SACS: variants seen among roughly 807,000 people sequenced by gnomAD.
SACS encodes the protein sacsin molecular chaperone.
Under a neutral mutation model 348.0 loss-of-function variants are expected in SACS, and 197 were observed. That is an observed-to-expected ratio of 0.57 (90% CI 0.50 to 0.64). The LOEUF (loss-of-function observed/expected upper bound fraction) is 0.64, where lower values mean the gene tolerates loss of function less well. Ranked by LOEUF, SACS falls within the 30% of genes least tolerant of loss-of-function variation. The pLI, the probability that SACS is intolerant of heterozygous loss-of-function variation, is 0.00. For missense variants in SACS, 4,999 were observed against 5,360.8 expected (o/e 0.93, Z 2.11); for synonymous variants, 1,985 against 1,910.6 (o/e 1.04, Z -1.02).
At chr13:23,413,511 A>G (rs2148443) in intron 1 of SACS, among the ~76,000 whole-genome samples, 59,355 of 152,016 alleles carry the variant, frequency 0.39, 12,112 homozygotes, top group East Asian at 0.55. Context: ...CTGGAAACAG[A>G]AAGACCAGCT....
Position 23,335,673 on chromosome 13 carries a change from C to T in SACS, c.8203G>A (p.Ala2735Thr), listed in dbSNP as rs137945310. Residue 2735 changes from alanine to threonine, a missense_variant, in exon 10 of 10, where the codon GCA becomes ACA. Ala to Thr is a moderately conservative substitution (Grantham distance 58). Coordinates refer to ENST00000382292, the MANE Select transcript of SACS (RefSeq NM_014363.6). The surrounding 1 kb of genome is among the most constrained non-coding windows in gnomAD (Gnocchi z 4.7). The part of the protein sequence containing the change: ...NLLDKLRSDG[A>T]ELLMFLNHME... ...TGATTAAGAAACATTAGAAGTTCTGCCCCATCTGAGCGCAGTTTGTCCAAA... is the reference window on the plus strand; with the variant it reads ...TGATTAAGAAACATTAGAAGTTCTGTCCCATCTGAGCGCAGTTTGTCCAAA... 4 of 1,613,894 alleles carry T rather than the reference C, an allele frequency of 2.5e-6. No homozygotes were observed. In the African/African-American group the frequency reaches 4.0e-5, roughly 16 times the overall value.
At chr13:23,410,098 G>A (rs984758781) in intron 2 of SACS, among the ~76,000 whole-genome samples, 5 of 152,130 alleles carry the variant, frequency 3.3e-5, no homozygotes, top group African/African-American at 1.2e-4. Context: ...CATTAATATG[G>A]AAGCATTTTA....
rs1457559100 is a variant in SACS at position 23,329,922 on chromosome 13, T to C, written c.*214A>G. On this transcript the variant is annotated 3_prime_UTR_variant, in exon 10 of 10. Transcript: ENST00000382292. ...ATCATTCAAATCCATCCAGCTATTTTGCAGCTCACCACCATCTTCAAAATA... is the reference window on the plus strand; with the variant it reads ...ATCATTCAAATCCATCCAGCTATTTCGCAGCTCACCACCATCTTCAAAATA... 3.5e-6 allele frequency: 2 copies of C among 576,612 alleles called. No homozygotes were observed. The highest frequency in any genetic ancestry group is 6.2e-6 in the Non-Finnish European group (2 of 325,200). 35.7% of individuals were successfully genotyped at this position (576,612 alleles called of 1,614,324 possible).
intron 2 of SACS, among the ~76,000 whole-genome samples, chr13:23,409,521 C>T (rs71429844): frequency 0.077 from 11,592 of 151,134 alleles, 558 homozygotes; most frequent in South Asian, 0.13. Flanking sequence ...GCTAATTTTG[C>T]GTTTTTAGTA....
chr13:23,334,557 A>C lies in SACS; in HGVS notation c.9319T>G (p.Ser3107Ala). Reference sequence around the variant, plus strand: ...CCAATATGGCAATTAGTGTCAGGAGAGGAAAATGTCATTAAAAAAGATCTG... The same window carrying C: ...CCAATATGGCAATTAGTGTCAGGAGCGGAAAATGTCATTAAAAAAGATCTG... Reference protein sequence around the residue: ...DIRSFLMTFSSPDTNCHIGKL... With the variant: ...DIRSFLMTFSAPDTNCHIGKL... Residue 3107 changes from serine to alanine, a missense_variant, in exon 10 of 10, where the codon TCT becomes GCT. Coordinates refer to ENST00000382292, the MANE Select transcript of SACS (RefSeq NM_014363.6). 1 of 1,613,546 alleles carries C rather than the reference A, an allele frequency of 6.2e-7. No individual in the cohort carries two copies. Among genetic ancestry groups the C allele is most frequent in the Non-Finnish European group, 8.5e-7 (1 of 1,179,720 alleles).
At position 23,336,066 on chromosome 13, in the gene SACS, T is replaced by A; in HGVS notation, c.7810A>T (p.Ile2604Phe). 1 of 1,612,204 alleles carries A rather than the reference T, an allele frequency of 6.2e-7. No homozygotes were observed. Among genetic ancestry groups the A allele is most frequent in the Non-Finnish European group, 8.5e-7 (1 of 1,178,506 alleles). ...QPFTEDDVRG[I>F]QNLGKGTKEG... ...TTCGTGCCTTTTCCAAGATTCTGAA[T>A]TCCTCTAACATCATCTTCTGTAAAT... Residue 2604 changes from isoleucine (I) to phenylalanine (F), a missense_variant, in exon 10 of 10, where the codon ATT becomes TTT. Around this residue, in one of 6 missense-constraint regions of SACS, gnomAD observed 3,156 missense variants for 3,380.1 expected, o/e 0.93. Transcript: ENST00000382292.
chr13:23,407,100 C>T (rs1873257632), intron 2 of SACS, among the ~76,000 whole-genome samples: 1 of 152,260 alleles, frequency 6.6e-6, no homozygotes, highest in African/African-American at 2.4e-5. Context: ...GGGCCACTGC[C>T]ATCCTCATTC....
chr13:23,417,076 T>A (rs1336866126), intron 1 of SACS, among the ~76,000 whole-genome samples: 1 of 152,202 alleles, frequency 6.6e-6, no homozygotes. Flanking sequence ...GAAAAGTATG[T>A]GTTAATGATA....
chr13:23,394,183 A>C (rs1872628060), intron 2 of SACS, among the ~76,000 whole-genome samples: 1 of 152,180 alleles, frequency 6.6e-6, no homozygotes, highest in Non-Finnish European at 1.5e-5. Context: ...GGTGCTGGAG[A>C]TTGAGTTCCA....
At chr13:23,402,178 GAAA>G (rs34188080) in intron 2 of SACS, among the ~76,000 whole-genome samples, 2 of 103,150 alleles carry the variant, frequency 1.9e-5, no homozygotes, top group Admixed American at 1.1e-4. Flanking sequence ...ACTCCATCTC[GAAA>G]AAAAAAAAAA....
intron 9 of SACS, among the ~76,000 whole-genome samples, chr13:23,343,753 A>G (rs1282112603): frequency 6.6e-6 from 1 of 152,218 alleles, no homozygotes; most frequent in Non-Finnish European, 1.5e-5. Flanking sequence ...CAGGCTCTGG[A>G]AACTTTTGCG....
At chr13:23,413,829 CTATA>C (rs1327271922) in intron 1 of SACS, among the ~76,000 whole-genome samples, 1 of 151,884 alleles carries the variant, frequency 6.6e-6, no homozygotes, top group African/African-American at 2.4e-5. Context: ...AAGTAGAAAA[CTATA>C]TATGTAAATT....
At chr13:23,353,970 C>T in intron 8 of SACS, 94 bp from the exon 9 acceptor site, 1 of 793,384 alleles carries the variant, frequency 1.3e-6, no homozygotes, top group Non-Finnish European at 2.2e-6. Flanking sequence ...GTTAAGCCGA[C>T]TATTTTATTT....
Position 23,334,463 on chromosome 13 carries a change from T to A in SACS, c.9413A>T (p.Tyr3138Phe). The change falls in exon 10 of 10, where the codon TAT becomes TTT. Residue 3138 changes from tyrosine (Y) to phenylalanine (F), a missense_variant. Tyr to Phe is a conservative substitution (Grantham distance 22, BLOSUM62 3). Coordinates refer to ENST00000382292, the MANE Select transcript of SACS (RefSeq NM_014363.6). ...ATTTTCTTCTGCATCTTTAAAACAATAATCAACTAAAAGTTTTAAACTATG... is the reference window on the plus strand; with the variant it reads ...ATTTTCTTCTGCATCTTTAAAACAAAAATCAACTAAAAGTTTTAAACTATG... ...LFHSLKLLVDYCFKDAEENEI... is the reference protein window; with the variant it reads ...LFHSLKLLVDFCFKDAEENEI... 1 of 1,612,616 alleles carries A rather than the reference T, an allele frequency of 6.2e-7. No homozygotes were observed. Among genetic ancestry groups the A allele is most frequent in the Non-Finnish European group, 8.5e-7 (1 of 1,179,736 alleles).
Position 23,355,249 on chromosome 13 carries a change from C to T in SACS, c.1363G>A (p.Glu455Lys), listed in dbSNP as rs767579843. Reference sequence around the variant, plus strand: ...TGAACTGGGAGGCCTGTGCTGCTTTCCTCACCAGGTGGTAAAGGAAGGAAA... The same window carrying T: ...TGAACTGGGAGGCCTGTGCTGCTTTTCTCACCAGGTGGTAAAGGAAGGAAA... ...FCFLPLPPGE[E>K]SSTGLPVHIS... Residue 455 changes from glutamate (E) to lysine (K), a missense_variant, in exon 8 of 10, where the codon GAA becomes AAA. This residue lies in a region of SACS where 3,156 missense variants were observed against 3,380.1 expected (regional missense o/e 0.93). Coordinates refer to ENST00000382292, the MANE Select transcript of SACS (RefSeq NM_014363.6). 2 of 1,614,196 alleles carry T rather than the reference C, an allele frequency of 1.2e-6. No homozygotes were observed. Among genetic ancestry groups the T allele is most frequent in the South Asian group, 2.2e-5 (2 of 91,082 alleles).
rs777025651 is a variant in SACS at position 23,332,435 on chromosome 13, T to C, written c.11441A>G (p.Asn3814Ser). Residue 3814 changes from asparagine to serine, a missense_variant, in exon 10 of 10, where the codon AAC (asparagine) becomes AGC (serine). By Grantham distance (46) the Asn-to-Ser change is conservative. This residue lies in a region of SACS where 831 missense variants were observed against 941.8 expected (regional missense o/e 0.88). Coordinates refer to ENST00000382292, the MANE Select transcript of SACS (RefSeq NM_014363.6). ...TTTAAAATCAGATTCATATTCTAGG[T>C]TTATGACTACCTCCTCAGGCTTCAG... ...KLLKPEEVVINLEYESDFKPY... is the reference protein window; with the variant it reads ...KLLKPEEVVISLEYESDFKPY... 3.7e-6 allele frequency: 6 copies of C among 1,613,878 alleles called. No homozygotes were observed. Among genetic ancestry groups the C allele is most frequent in the Non-Finnish European group, 5.1e-6 (6 of 1,179,930 alleles).
chr13:23,402,972 C>T (rs1873044937), intron 2 of SACS, among the ~76,000 whole-genome samples: 1 of 151,894 alleles, frequency 6.6e-6, no homozygotes, highest in South Asian at 2.1e-4. Flanking sequence ...GGCAGGAGTT[C>T]GAGACCAGCC....
rs1315826283 is a variant in SACS at position 23,334,968 on chromosome 13, G to C, written c.8908C>G (p.Leu2970Val). 8 of 1,613,906 alleles carry C rather than the reference G, an allele frequency of 5.0e-6. No homozygotes were observed. The highest frequency in any genetic ancestry group is 6.8e-6 in the Non-Finnish European group (8 of 1,179,846). The change falls in exon 10 of 10, where the codon CTA (leucine) becomes GTA (valine). Residue 2970 changes from leucine (L) to valine (V), a missense_variant. Around this residue, in one of 6 missense-constraint regions of SACS, gnomAD observed 734 missense variants for 694.0 expected, o/e 1.06. Transcript: ENST00000382292. ...LSFFPVNRLD[L>V]QPDLYCLVKA... ...ACTAGACAATATAAATCTGGCTGTA[G>C]ATCAAGACGGTTAACTGGGAAAAAC... is the stretch of plus-strand genomic sequence containing the variant.
At chr13:23,428,414 G>A (rs186224184) in intron 1 of SACS, 3 of 152,228 alleles carry the variant, frequency 2.0e-5, no homozygotes, top group Admixed American at 6.5e-5. Context: ...TGGAAAAGTC[G>A]GATGAATTCA....
Sources: gnomAD v4.1 joint callset for allele counts (sites outside exome capture counted in the v4.1 genomes callset) on GRCh38, gnomAD v4.1.1 for gene constraint, gnomAD v4.1.1 regional missense constraint, Gnocchi (gnomAD v3.1) non-coding constraint, MANE v1.5 for transcripts, NCBI Gene and HGNC (gene_info 2026-07-23, HGNC 2026-07-21) for gene names.